The following ABCB1 variants were observed in gnomAD, a reference collection of about 807,000 sequenced individuals.
ABCB1 encodes ATP-dependent translocase ABCB1.
Under a neutral mutation model 142.0 loss-of-function variants are expected in ABCB1, and 69 were observed. The observed-to-expected ratio is 0.49, with a 90% CI of 0.40 to 0.59. The LOEUF (loss-of-function observed/expected upper bound fraction) is 0.59. ABCB1 is among the 20% of genes least tolerant of loss of function. ABCB1 has a pLI of 0.00. For missense variants in ABCB1, 1,326 were observed against 1,554.7 expected, an observed-to-expected ratio of 0.85 and a Z score of 2.47; for synonymous variants, 532 against 539.2, an observed-to-expected ratio of 0.99 and a Z score of 0.18.
Position 87,600,113 on chromosome 7 carries a change from T to G in ABCB1, c.68+4A>C. 1 of 1,612,394 alleles carries G rather than the reference T, an allele frequency of 6.2e-7. No homozygotes were observed. Among genetic ancestry groups the G allele is most frequent in the Non-Finnish European group, 8.5e-7 (1 of 1,178,578 alleles). On this transcript the variant is annotated splice_donor_region_variant and intron_variant, in intron 2 of 27. Coordinates refer to ENST00000622132, the MANE Select transcript of ABCB1 (RefSeq NM_001348946.2). ...AAACTATGAAAATGAAACAAGCTAG[T>G]TACCTTTTATTGTTCAGTTTAAAAA...
intron 1 of ABCB1, among the ~76,000 whole-genome samples, chr7:87,672,986 G>A (rs758216330): frequency 1.3e-5 from 2 of 152,044 alleles, no homozygotes; most frequent in African/African-American, 2.4e-5. Flanking sequence ...GCTTCTGGTC[G>A]GCCATCCTGA....
At position 87,628,514 on chromosome 7, in the gene ABCB1, G is replaced by T. The variant is rs1459484801; in HGVS notation, c.-330-27436C>A. On this transcript the variant is annotated intron_variant, in intron 1 of 28. Transcript: ENST00000265724. Reference sequence around the variant, plus strand: ...GAGGTCCCTCGGGAAGGAGGAGAGCGCCTGACGCCGACCCGCAGGCGCAGC... The same window carrying T: ...GAGGTCCCTCGGGAAGGAGGAGAGCTCCTGACGCCGACCCGCAGGCGCAGC... 5 of 253,308 alleles carry T rather than the reference G, an allele frequency of 2.0e-5. No homozygotes were observed. In the East Asian group the frequency reaches 2.8e-4, roughly 14 times the overall value. The allele number at this position is 253,308 out of a possible 1,614,324, so 15.7% of individuals were successfully genotyped here.
intron 21 of ABCB1, among the ~76,000 whole-genome samples, chr7:87,523,923 G>C (rs1815659709): frequency 6.6e-6 from 1 of 152,148 alleles, no homozygotes. Context: ...AAGTCACCAA[G>C]AGAAATGACT....
At chr7:87,533,670 C>A (rs1228232979) in intron 20 of ABCB1, among the ~76,000 whole-genome samples, 1 of 152,096 alleles carries the variant, frequency 6.6e-6, no homozygotes, top group African/African-American at 2.4e-5. Flanking sequence ...AATGGAAGAG[C>A]ACAGATTAGT....
chr7:87,651,963 T>C (rs1199913469), intron 1 of ABCB1, among the ~76,000 whole-genome samples: 1 of 152,122 alleles, frequency 6.6e-6, no homozygotes, highest in East Asian at 1.9e-4. Flanking sequence ...TTTGTCCTTT[T>C]TGCTGTTCTG....
At position 87,519,532 on chromosome 7, in the gene ABCB1, A is replaced by G. The variant is rs567286643; in HGVS notation, c.2787-66T>C. ...CTCAGTCCTTAAAATGTAACTTTTGATAGGTTGGCAGTAGGGCACAGAGGC... is the reference window on the plus strand; with the variant it reads ...CTCAGTCCTTAAAATGTAACTTTTGGTAGGTTGGCAGTAGGGCACAGAGGC... On this transcript the variant is annotated intron_variant, in intron 22 of 27. Coordinates refer to ENST00000622132, the MANE Select transcript of ABCB1 (RefSeq NM_001348946.2). 35 of 1,604,118 alleles carry G rather than the reference A, an allele frequency of 2.2e-5. No individual in the cohort carries two copies. In the African/African-American group the frequency reaches 4.0e-4, roughly 18 times the overall value.
chr7:87,560,823 T>G (rs1817532466), intron 8 of ABCB1, among the ~76,000 whole-genome samples: 1 of 152,202 alleles, frequency 6.6e-6, no homozygotes, highest in African/African-American at 2.4e-5. Context: ...TTTGAACTTT[T>G]GTACACATAA....
intron 23 of ABCB1, among the ~76,000 whole-genome samples, chr7:87,517,110 C>T (rs1392720199): frequency 6.6e-6 from 1 of 152,068 alleles, no homozygotes; most frequent in African/African-American, 2.4e-5. Context: ...ATAAAACAAA[C>T]ACATTTCCTT....
intron 1 of ABCB1, among the ~76,000 whole-genome samples, chr7:87,634,277 GA>G (rs1296757688): frequency 1.3e-5 from 2 of 152,092 alleles, no homozygotes. Context: ...CATGTCATTT[GA>G]TGGGGGCAGA....
At chr7:87,654,972 A>C (rs898357777) in intron 1 of ABCB1, among the ~76,000 whole-genome samples, 1 of 152,242 alleles carries the variant, frequency 6.6e-6, no homozygotes, top group East Asian at 1.9e-4. Context: ...ATAGATGAAA[A>C]TTAAAACCAT....
intron 1 of ABCB1, among the ~76,000 whole-genome samples, chr7:87,658,988 C>A (rs1483508336): frequency 1.3e-5 from 2 of 152,086 alleles, no homozygotes; most frequent in African/African-American, 4.8e-5. Flanking sequence ...CCTGTCTCTA[C>A]AAAATATACA....
intron 21 of ABCB1, chr7:87,521,724 G>A: frequency 1.1e-6 from 1 of 947,110 alleles, no homozygotes. Context: ...TGGAACCAAA[G>A]AGAGCTGTCT....
intron 4 of ABCB1, among the ~76,000 whole-genome samples, chr7:87,578,002 T>C (rs1818344610): frequency 6.6e-6 from 1 of 152,234 alleles, no homozygotes. Context: ...CCCAATCTAA[T>C]GTCCTAGAGA....
At chr7:87,572,954 T>C (rs1045362047) in intron 4 of ABCB1, among the ~76,000 whole-genome samples, 3 of 152,090 alleles carry the variant, frequency 2.0e-5, no homozygotes, top group Non-Finnish European at 4.4e-5. Context: ...GTACTAGGCT[T>C]AATACCTGGG....
At chr7:87,680,679 A>G (rs973745030) in intron 1 of ABCB1, among the ~76,000 whole-genome samples, 3 of 150,284 alleles carry the variant, frequency 2.0e-5, no homozygotes, top group Non-Finnish European at 4.4e-5. Context: ...CTGTAATCCC[A>G]GCTACTTAGG....
intron 1 of ABCB1, chr7:87,650,954 A>G (rs776104900): frequency 1.4e-6 from 2 of 1,405,510 alleles, no homozygotes; most frequent in Non-Finnish European, 2.0e-6. Flanking sequence ...GCACTAATGT[A>G]CTATTTATTT....
At chr7:87,633,892 G>A (rs1821474217) in intron 1 of ABCB1, among the ~76,000 whole-genome samples, 1 of 152,262 alleles carries the variant, frequency 6.6e-6, no homozygotes, top group African/African-American at 2.4e-5. Context: ...CTGAGGTGGG[G>A]TAGTTTATAA....
intron 25 of ABCB1, among the ~76,000 whole-genome samples, chr7:87,511,787 C>T (rs1815021237): frequency 6.6e-6 from 1 of 152,186 alleles, no homozygotes; most frequent in Non-Finnish European, 1.5e-5. Context: ...GGGGAATGCC[C>T]CCATCTTGGC....
At chr7:87,569,505 G>T (rs2129830628) in intron 5 of ABCB1, among the ~76,000 whole-genome samples, 1 of 152,134 alleles carries the variant, frequency 6.6e-6, no homozygotes, top group Non-Finnish European at 1.5e-5. Context: ...AGCTTCCCCA[G>T]TGTGAGTTAA....
Sources: gnomAD v4.1 joint callset for allele counts (sites outside exome capture counted in the v4.1 genomes callset) on GRCh38, gnomAD v4.1.1 for gene constraint, MANE v1.5 for transcripts, NCBI Gene and HGNC (gene_info 2026-07-23, HGNC 2026-07-21) for gene names.